CSMD1: variants seen among roughly 807,000 people sequenced by gnomAD.
CSMD1 encodes CUB and sushi domain-containing protein 1.
A neutral mutation model predicts 417.5 loss-of-function variants in CSMD1; 213 were observed. The ratio of observed to expected loss-of-function variants is 0.51; its 90% CI spans 0.46 to 0.57. The LOEUF is 0.57. CSMD1 is among the 20% of genes least tolerant of loss of function. The pLI is 0.00. For missense variants in CSMD1, 6,923 were observed against 4,529.7 expected (o/e 1.53, Z -15.17); for synonymous variants, 2,862 against 1,736.8 (o/e 1.65, Z -16.11).
intron 31 of CSMD1, among the ~76,000 whole-genome samples, chr8:3,204,532 C>G (rs1465592892): frequency 6.6e-6 from 1 of 152,036 alleles, no homozygotes; most frequent in Non-Finnish European, 1.5e-5. Context: ...TTTATCATAA[C>G]AAAGGGAACA....
At chr8:3,254,503 C>T (rs914248026) in intron 26 of CSMD1, among the ~76,000 whole-genome samples, 1 of 152,196 alleles carries the variant, frequency 6.6e-6, no homozygotes, top group Admixed American at 6.5e-5. Context: ...CTGTCACTTT[C>T]AGGTACACCA....
intron 1 of CSMD1, among the ~76,000 whole-genome samples, chr8:4,959,813 C>A (rs867267798): frequency 2.6e-5 from 4 of 152,324 alleles, no homozygotes; most frequent in Middle Eastern, 3.4e-3. Context: ...TCCCAGATAT[C>A]CACATAGCTA....
chr8:3,397,134 A>G (rs1171971549), intron 16 of CSMD1, among the ~76,000 whole-genome samples: 1 of 151,974 alleles, frequency 6.6e-6, no homozygotes, highest in African/African-American at 2.4e-5. Context: ...CACGGAGATA[A>G]TTTTCTAAGT....
intron 2 of CSMD1, among the ~76,000 whole-genome samples, chr8:4,445,927 C>A (rs551602252): frequency 1.3e-5 from 2 of 152,266 alleles, no homozygotes; most frequent in East Asian, 3.9e-4. Context: ...GGCCTTTCAG[C>A]TGGTCAGAGA....
intron 1 of CSMD1, among the ~76,000 whole-genome samples, chr8:4,904,840 G>C (rs1805130256): frequency 6.6e-6 from 1 of 152,154 alleles, no homozygotes; most frequent in Admixed American, 6.6e-5. Context: ...ATCCCTATCA[G>C]CAATGATCTG....
chr8:3,792,753 T>C (rs771764965), intron 5 of CSMD1, among the ~76,000 whole-genome samples: 28 of 152,340 alleles, frequency 1.8e-4, no homozygotes, highest in South Asian at 1.7e-3. Context: ...TTTTCTGATG[T>C]TGAGAACTGC....
intron 1 of CSMD1, among the ~76,000 whole-genome samples, chr8:4,666,544 G>C (rs1486978451): frequency 1.3e-5 from 2 of 152,086 alleles, no homozygotes; most frequent in East Asian, 3.9e-4. Flanking sequence ...TTTGATTTTT[G>C]ACCAATTTTG....
At chr8:4,782,185 G>A (rs548934721) in intron 1 of CSMD1, among the ~76,000 whole-genome samples, 1 of 152,132 alleles carries the variant, frequency 6.6e-6, no homozygotes, top group South Asian at 2.1e-4. Context: ...GAGTTCTGCT[G>A]TTCTATTGCA....
intron 7 of CSMD1, among the ~76,000 whole-genome samples, chr8:3,671,891 C>T (rs1257249713): frequency 6.6e-6 from 1 of 152,070 alleles, no homozygotes; most frequent in Non-Finnish European, 1.5e-5. Context: ...GGGGCACCCA[C>T]CCTCATTTCC....
In CSMD1 at chr8:4,886,558, G is replaced by C. The variant is rs973917693; in HGVS notation, c.85+107774C>G. ...TCCTTCTCTTTTATTTTTTGAAAGT[G>C]TGGATATATTTACATTAGGTCTTCT... On this transcript the variant is annotated intron_variant, in intron 1 of 69. Coordinates refer to ENST00000635120, the MANE Select transcript of CSMD1 (RefSeq NM_033225.6). Among the ~76,000 whole-genome samples, 3 of 151,878 alleles carry C rather than the reference G, an allele frequency of 2.0e-5. No homozygotes were observed. The South Asian group carries it at 6.2e-4, about 31-fold the overall frequency.
chr8:2,964,268 T>A, intron 59 of CSMD1, among the ~76,000 whole-genome samples: 1 of 152,344 alleles, frequency 6.6e-6, no homozygotes, highest in East Asian at 1.9e-4. Context: ...ACAAATCACA[T>A]GTGCACACCC....
chr8:4,062,194 G>A (rs1799010114), intron 3 of CSMD1, among the ~76,000 whole-genome samples: 1 of 152,098 alleles, frequency 6.6e-6, no homozygotes, highest in Admixed American at 6.6e-5. Flanking sequence ...CGGGAGTGAG[G>A]AAAGGCATTC....
At chr8:2,966,485 G>T in intron 58 of CSMD1, 85 bp downstream of exon 58, 1 of 1,227,912 alleles carries the variant, frequency 8.1e-7, no homozygotes, top group Non-Finnish European at 1.1e-6. Context: ...TAAAAAAACA[G>T]TATAACACCT....
At chr8:4,673,471 C>T (rs1257173756) in intron 1 of CSMD1, among the ~76,000 whole-genome samples, 3 of 152,118 alleles carry the variant, frequency 2.0e-5, no homozygotes, top group African/African-American at 7.2e-5. Context: ...GCCACATTAT[C>T]TAAAACCTCA....
intron 2 of CSMD1, among the ~76,000 whole-genome samples, chr8:4,617,967 A>T (rs901145423): frequency 6.6e-6 from 1 of 152,184 alleles, no homozygotes; most frequent in Non-Finnish European, 1.5e-5. Context: ...TCTTTTTAAA[A>T]TATTTATGAT....
At chr8:3,721,407 T>C (rs1273618852) in intron 6 of CSMD1, among the ~76,000 whole-genome samples, 1 of 152,144 alleles carries the variant, frequency 6.6e-6, no homozygotes, top group Non-Finnish European at 1.5e-5. Flanking sequence ...ATCAGTCCCA[T>C]GTTTCTGATT....
At chr8:3,806,526 G>A (rs537541962) in intron 5 of CSMD1, among the ~76,000 whole-genome samples, 1 of 152,088 alleles carries the variant, frequency 6.6e-6, no homozygotes, top group African/African-American at 2.4e-5. Context: ...TGTGCTTTGA[G>A]GCATATTCAC....
intron 3 of CSMD1, among the ~76,000 whole-genome samples, chr8:4,092,225 T>G (rs1800759082): frequency 6.6e-6 from 1 of 152,156 alleles, no homozygotes; most frequent in Non-Finnish European, 1.5e-5. Context: ...AAGGTCATCC[T>G]AGAAAAGGAA....
intron 3 of CSMD1, among the ~76,000 whole-genome samples, chr8:4,058,018 C>A (rs1041651329): frequency 4.7e-4 from 72 of 151,678 alleles, no homozygotes; most frequent in African/African-American, 1.6e-3. Flanking sequence ...GCAATGTGGG[C>A]TCTTTTTTGG....
Sources: allele counts gnomAD v4.1 joint callset (sites outside exome capture counted in the v4.1 genomes callset), GRCh38; gene constraint gnomAD v4.1.1; transcripts MANE v1.5; gene names NCBI Gene and HGNC (gene_info 2026-07-23, HGNC 2026-07-21).